Variants in MSRA observed in about 807,000 individuals in gnomAD.
The protein encoded by MSRA is mitochondrial peptide methionine sulfoxide reductase.
A neutral mutation model predicts 31.3 loss-of-function variants in MSRA; 54 were observed. The ratio of observed to expected loss-of-function variants is 1.73; its 90% CI spans 1.39 to 2.17. MSRA has a LOEUF of 2.17. Among genes scored for constraint, MSRA ranks in the 30% most tolerant of loss-of-function variants. MSRA has a pLI of 0.00. For missense variants in MSRA, 507 were observed against 300.9 expected, an observed-to-expected ratio of 1.69 and a Z score of -5.07; for synonymous variants, 169 against 116.5, an observed-to-expected ratio of 1.45 and a Z score of -2.90.
chr8:10,254,339 C>G (rs764242682), intron 3 of MSRA, among the ~76,000 whole-genome samples: 3 of 152,172 alleles, frequency 2.0e-5, no homozygotes, highest in African/African-American at 7.2e-5. Context: ...TGCTTCCCCT[C>G]TCTTCTCTTT....
intron 1 of MSRA, among the ~76,000 whole-genome samples, chr8:10,102,572 A>G (rs1367673222): frequency 6.6e-6 from 1 of 152,214 alleles, no homozygotes; most frequent in African/African-American, 2.4e-5. Context: ...GATAATTCCA[A>G]CATCTGTGCC....
At chr8:10,302,746 G>A (rs1800915413) in intron 4 of MSRA, among the ~76,000 whole-genome samples, 1 of 152,210 alleles carries the variant, frequency 6.6e-6, no homozygotes, top group African/African-American at 2.4e-5. Context: ...AGAGGTCTGG[G>A]CCTAGGAAGG....
chr8:10,171,966 A>T (rs1005392132), intron 1 of MSRA, among the ~76,000 whole-genome samples: 8 of 152,246 alleles, frequency 5.3e-5, no homozygotes, highest in Admixed American at 5.2e-4. Context: ...TAGGTAATGG[A>T]ACCAGAGGAA....
chr8:10,339,384 G>A (rs147980341), intron 5 of MSRA, among the ~76,000 whole-genome samples: 1 of 152,040 alleles, frequency 6.6e-6, no homozygotes. Context: ...TATGATTCAG[G>A]TCCACATTGG....
At chr8:10,154,464 G>A (rs887120375) in intron 1 of MSRA, among the ~76,000 whole-genome samples, 1 of 151,800 alleles carries the variant, frequency 6.6e-6, no homozygotes, top group African/African-American at 2.4e-5. Flanking sequence ...TGCAAGCTCT[G>A]CCTTCCAGGT....
chr8:10,104,024 C>G (rs1245928163), intron 1 of MSRA, among the ~76,000 whole-genome samples: 1 of 152,092 alleles, frequency 6.6e-6, no homozygotes, highest in African/African-American at 2.4e-5. Context: ...TATCCTTTTG[C>G]AAATGAAATT....
At chr8:10,128,686 C>G (rs1343506458) in intron 1 of MSRA, among the ~76,000 whole-genome samples, 3 of 152,272 alleles carry the variant, frequency 2.0e-5, no homozygotes, top group African/African-American at 4.8e-5. Flanking sequence ...AGGTGAGTCT[C>G]CAGAACGGAC....
At chr8:10,087,274 C>A (rs1393688362) in intron 1 of MSRA, among the ~76,000 whole-genome samples, 1 of 152,118 alleles carries the variant, frequency 6.6e-6, no homozygotes, top group Admixed American at 6.5e-5. Flanking sequence ...AGGTTGTTTC[C>A]TTCCTGTGTC....
At chr8:10,130,021 A>C (rs1801784890) in intron 1 of MSRA, among the ~76,000 whole-genome samples, 2 of 152,306 alleles carry the variant, frequency 1.3e-5, no homozygotes, top group African/African-American at 2.4e-5. Context: ...AGCAGTACCT[A>C]CATCCCTTGG....
At position 10,114,791 on chromosome 8, in the gene MSRA, T is replaced by A. The variant is rs375630730; in HGVS notation, c.142+60133T>A. 9.8e-5 allele frequency among the ~76,000 whole-genome samples: 15 copies of A among 152,314 alleles called. No homozygotes were observed. The East Asian group carries it at 2.1e-3, about 22-fold the overall frequency. ...CTTAAATTAATGAAAGACTCAATAT[T>A]GTAAAGATGTCAATTCTCTTAAAAT... On this transcript the variant is annotated intron_variant, in intron 1 of 5. Transcript: ENST00000317173.
At chr8:10,410,705 C>T (rs1016366454) in intron 5 of MSRA, among the ~76,000 whole-genome samples, 5 of 152,148 alleles carry the variant, frequency 3.3e-5, no homozygotes, top group African/African-American at 4.8e-5. Flanking sequence ...TGGAGAACTC[C>T]TGGAGATATT....
At chr8:10,253,452 T>G (rs1798020893) in intron 3 of MSRA, among the ~76,000 whole-genome samples, 1 of 152,220 alleles carries the variant, frequency 6.6e-6, no homozygotes, top group South Asian at 2.1e-4. Flanking sequence ...TAGTTAAATG[T>G]GTCAATATTT....
Position 10,185,114 on chromosome 8 carries a change from C to T in MSRA, c.143-22719C>T, listed in dbSNP as rs1476158415. 5.3e-5 allele frequency among the ~76,000 whole-genome samples: 8 copies of T among 152,198 alleles called. No homozygotes were observed. The East Asian group carries it at 5.8e-4, about 11-fold the overall frequency. On this transcript the variant is annotated intron_variant, in intron 1 of 5. Coordinates refer to ENST00000317173, the MANE Select transcript of MSRA (RefSeq NM_012331.5). ...TCTCAAGGCTGAAGGGCTGCTGCTC[C>T]TTTTGCAGAGCCCCTGCTGATCTCT...
intron 3 of MSRA, among the ~76,000 whole-genome samples, chr8:10,285,721 C>A (rs1158090807): frequency 6.6e-6 from 1 of 151,932 alleles, no homozygotes; most frequent in African/African-American, 2.4e-5. Context: ...TCAGCTTCCA[C>A]GTATGAGAGA....
At chr8:10,092,014 C>G (rs891485271) in intron 1 of MSRA, among the ~76,000 whole-genome samples, 2 of 150,740 alleles carry the variant, frequency 1.3e-5, no homozygotes, top group African/African-American at 4.9e-5. Context: ...TCTCCACGTT[C>G]TTGTCAATAC....
At chr8:10,095,280 C>T (rs1242728347) in intron 1 of MSRA, among the ~76,000 whole-genome samples, 1 of 152,176 alleles carries the variant, frequency 6.6e-6, no homozygotes, top group East Asian at 1.9e-4. Flanking sequence ...TTCCTTATTG[C>T]TGAGCAGTGA....
intron 5 of MSRA, among the ~76,000 whole-genome samples, chr8:10,418,995 G>T (rs1808650132): frequency 6.6e-6 from 1 of 151,894 alleles, no homozygotes; most frequent in South Asian, 2.1e-4. Context: ...CTATAGGTCA[G>T]TCCTACTAAG....
intron 4 of MSRA, among the ~76,000 whole-genome samples, chr8:10,311,536 T>A (rs1291532508): frequency 1.3e-5 from 2 of 152,132 alleles, no homozygotes; most frequent in African/African-American, 4.8e-5. Flanking sequence ...GCTCAGTATG[T>A]TTCAAAGGGA....
chr8:10,201,075 C>G (rs1808455688), intron 1 of MSRA, among the ~76,000 whole-genome samples: 1 of 152,060 alleles, frequency 6.6e-6, no homozygotes, highest in South Asian at 2.1e-4. Flanking sequence ...GAAGGAGCCA[C>G]AAAGAAACAG....
Sources: allele counts gnomAD v4.1 joint callset (sites outside exome capture counted in the v4.1 genomes callset), GRCh38; gene constraint gnomAD v4.1.1; transcripts MANE v1.5; gene names NCBI Gene and HGNC (gene_info 2026-07-23, HGNC 2026-07-21).